The following DENND5B variants were observed in gnomAD, a reference collection of about 807,000 sequenced individuals.
DENND5B encodes the protein DENN domain containing 5B.
Under a neutral mutation model 140.6 loss-of-function variants are expected in DENND5B, and 34 were observed. The observed-to-expected ratio is 0.24, with a 90% CI of 0.18 to 0.32. The LOEUF is 0.32. Ranked by LOEUF, DENND5B falls within the 10% of genes least tolerant of loss-of-function variation. The pLI, the probability that DENND5B is intolerant of heterozygous loss-of-function variation, is 1.00. For synonymous variants in DENND5B, 551 were observed against 562.1 expected (o/e 0.98, Z 0.28); for missense variants, 1,142 against 1,560.2 (o/e 0.73, Z 4.52).
At chr12:31,532,496 A>G (rs1948322666) in intron 1 of DENND5B, among the ~76,000 whole-genome samples, 1 of 152,180 alleles carries the variant, frequency 6.6e-6, no homozygotes, top group Admixed American at 6.6e-5. Context: ...TTCTCATTCT[A>G]AAAAGATCAT....
chr12:31,471,185 T>C (rs1320814649), intron 3 of DENND5B, among the ~76,000 whole-genome samples: 4 of 152,214 alleles, frequency 2.6e-5, no homozygotes, highest in Non-Finnish European at 5.9e-5. Flanking sequence ...GGAAAAATTA[T>C]GTGGAAACCG....
intron 1 of DENND5B, among the ~76,000 whole-genome samples, chr12:31,502,495 G>T (rs1332306287): frequency 6.6e-6 from 1 of 152,138 alleles, no homozygotes; most frequent in Non-Finnish European, 1.5e-5. Flanking sequence ...GTTTACTACT[G>T]TAACGACACA....
At chr12:31,395,190 C>G (rs557560707) in intron 17 of DENND5B, among the ~76,000 whole-genome samples, 1 of 152,070 alleles carries the variant, frequency 6.6e-6, no homozygotes, top group Non-Finnish European at 1.5e-5. Flanking sequence ...GCCAAGCGTA[C>G]GGTAAGTGTG....
intron 2 of DENND5B, among the ~76,000 whole-genome samples, chr12:31,481,793 A>G (rs1335553992): frequency 1.3e-5 from 2 of 152,188 alleles, no homozygotes; most frequent in Admixed American, 1.3e-4. Flanking sequence ...GGTTTTTAGG[A>G]GAGGGACAGA....
intron 1 of DENND5B, among the ~76,000 whole-genome samples, chr12:31,576,891 C>T (rs1340860227): frequency 2.3e-5 from 2 of 86,474 alleles, no homozygotes; most frequent in South Asian, 4.2e-4. Context: ...AGAGTGAGAC[C>T]TTATTTCTAA....
intron 3 of DENND5B, among the ~76,000 whole-genome samples, chr12:31,461,842 G>A (rs1418474501): frequency 6.6e-6 from 1 of 152,128 alleles, no homozygotes; most frequent in Non-Finnish European, 1.5e-5. Flanking sequence ...TCTTTGGGAG[G>A]AAGAATTTAG....
chr12:31,581,016 G>A (rs1950194701), intron 1 of DENND5B, among the ~76,000 whole-genome samples: 1 of 152,086 alleles, frequency 6.6e-6, no homozygotes, highest in Non-Finnish European at 1.5e-5. Context: ...GAGGTAGGAG[G>A]ATCACTTGAG....
intron 13 of DENND5B, among the ~76,000 whole-genome samples, chr12:31,410,839 T>TACGGTGAA (rs1942410008): frequency 1.3e-5 from 2 of 152,180 alleles, no homozygotes; most frequent in Admixed American, 1.3e-4. Context: ...ACTCTTCTGA[T>TACGGTGAA]ACGGTGAAAT....
intron 1 of DENND5B, among the ~76,000 whole-genome samples, chr12:31,537,082 G>A (rs1383298377): frequency 1.3e-5 from 2 of 152,186 alleles, no homozygotes; most frequent in Admixed American, 6.5e-5. Flanking sequence ...GCTAACAGGT[G>A]TACTTCAATC....
At chr12:31,584,780 T>C (rs989554522) in intron 1 of DENND5B, among the ~76,000 whole-genome samples, 4 of 151,922 alleles carry the variant, frequency 2.6e-5, no homozygotes, top group Admixed American at 6.6e-5. Flanking sequence ...TAAGCCAACA[T>C]TGCACCACTG....
intron 13 of DENND5B, among the ~76,000 whole-genome samples, chr12:31,412,498 C>G (rs1168816279): frequency 6.6e-6 from 1 of 152,156 alleles, no homozygotes; most frequent in Non-Finnish European, 1.5e-5. Flanking sequence ...TAACCTAGAT[C>G]CCTCACATGC....
At chr12:31,462,466 G>A (rs1429947902) in intron 3 of DENND5B, among the ~76,000 whole-genome samples, 1 of 151,996 alleles carries the variant, frequency 6.6e-6, no homozygotes, top group East Asian at 1.9e-4. Context: ...CACTATCACA[G>A]GACTCCATTA....
At chr12:31,572,052 C>G (rs1949842825) in intron 1 of DENND5B, among the ~76,000 whole-genome samples, 1 of 151,886 alleles carries the variant, frequency 6.6e-6, no homozygotes, top group African/African-American at 2.4e-5. Context: ...TGGAAAAACC[C>G]CATCCCAACT....
intron 16 of DENND5B, 139 bp from the exon 17 acceptor site, chr12:31,398,501 T>A: frequency 1.4e-6 from 1 of 734,520 alleles, no homozygotes; most frequent in Non-Finnish European, 2.1e-6. Context: ...GAGGTCTCAT[T>A]ACATTGCCCA....
intron 1 of DENND5B, among the ~76,000 whole-genome samples, chr12:31,504,548 G>T (rs1034682252): frequency 1.3e-5 from 2 of 152,070 alleles, no homozygotes; most frequent in African/African-American, 4.8e-5. Flanking sequence ...ATGAACCTTG[G>T]GGGCTGTTTT....
At chr12:31,443,498 C>T (rs569258484) in intron 6 of DENND5B, among the ~76,000 whole-genome samples, 5 of 151,896 alleles carry the variant, frequency 3.3e-5, no homozygotes, top group African/African-American at 9.7e-5. Context: ...AAATCAGGGC[C>T]GCGGGGATGA....
intron 1 of DENND5B, among the ~76,000 whole-genome samples, chr12:31,580,118 T>C (rs183616942): frequency 6.6e-6 from 1 of 152,242 alleles, no homozygotes; most frequent in Admixed American, 6.5e-5. Context: ...CAACTGAAGC[T>C]ACAAGTGCTC....
intron 1 of DENND5B, among the ~76,000 whole-genome samples, chr12:31,565,488 A>T (rs1259621835): frequency 6.6e-6 from 1 of 152,214 alleles, no homozygotes; most frequent in East Asian, 1.9e-4. Flanking sequence ...TCTACTCCTA[A>T]AACAGATGCA....
chr12:31,446,335 G>C (rs940401244), intron 6 of DENND5B, among the ~76,000 whole-genome samples: 3 of 152,016 alleles, frequency 2.0e-5, no homozygotes, highest in Admixed American at 6.6e-5. Flanking sequence ...TTTTAGTAGA[G>C]ATGGGGTTTC....
Sources: gnomAD v4.1 joint callset for allele counts (sites outside exome capture counted in the v4.1 genomes callset) on GRCh38, gnomAD v4.1.1 for gene constraint, MANE v1.5 for transcripts, NCBI Gene and HGNC (gene_info 2026-07-23, HGNC 2026-07-21) for gene names.